The following SGMS2 variants were observed in gnomAD, a reference collection of about 807,000 sequenced individuals.
The protein encoded by SGMS2 is sphingomyelin synthase 2.
A neutral mutation model predicts 43.8 loss-of-function variants in SGMS2; 21 were observed. That is an observed-to-expected ratio of 0.48 (90% CI 0.34 to 0.69). The LOEUF (loss-of-function observed/expected upper bound fraction) is 0.69. Ranked by LOEUF, SGMS2 falls within the 30% of genes least tolerant of loss-of-function variation. The probability of loss-of-function intolerance (pLI) is 0.01; values close to 1 mark genes in which losing one functional copy is unlikely to be tolerated. For synonymous variants in SGMS2, 167 were observed against 160.6 expected, an observed-to-expected ratio of 1.04 and a Z score of -0.30; for missense variants, 384 against 443.2, an observed-to-expected ratio of 0.87 and a Z score of 1.20.
In SGMS2 at chr4:107,914,385, A is replaced by T. The variant is rs1271471320; in HGVS notation, c.*3832A>T. On this transcript the variant is annotated 3_prime_UTR_variant, in exon 7 of 7. Transcript: ENST00000690982. ...AAGAGGAAACGATGAACAAAAACTA[A>T]TCTAATTGCCAAGTTAGAATTCATT... is the stretch of plus-strand genomic sequence containing the variant. 2 of 152,144 alleles carry T rather than the reference A, an allele frequency of 1.3e-5. No individual in the cohort carries two copies. The highest frequency in any genetic ancestry group is 2.9e-5 in the Non-Finnish European group (2 of 67,982). The allele number at this position is 152,144 out of a possible 1,614,324, so 9.4% of individuals were successfully genotyped here. A position where few individuals can be genotyped will look rare whatever the true frequency, so the allele number is the denominator to read the frequency against.
At chr4:107,837,730 A>G (rs370547519) in intron 1 of SGMS2, among the ~76,000 whole-genome samples, 20 of 152,254 alleles carry the variant, frequency 1.3e-4, no homozygotes, top group African/African-American at 4.3e-4. Context: ...TTATGAGGCT[A>G]TTGGGAGCAT....
intron 1 of SGMS2, among the ~76,000 whole-genome samples, chr4:107,826,991 G>C (rs1200549599): frequency 6.6e-6 from 1 of 152,216 alleles, no homozygotes; most frequent in East Asian, 1.9e-4. Context: ...GTGTTCCTTT[G>C]AGCAAGTTTA....
chr4:107,835,318 T>TA (rs1229551723), intron 1 of SGMS2, among the ~76,000 whole-genome samples: 1 of 152,140 alleles, frequency 6.6e-6, no homozygotes, highest in Non-Finnish European at 1.5e-5. Context: ...ACTCAAACCA[T>TA]AGAGACAGAA....
intron 4 of SGMS2, among the ~76,000 whole-genome samples, chr4:107,902,294 A>C (rs1194052093): frequency 6.6e-6 from 1 of 151,666 alleles, no homozygotes; most frequent in East Asian, 1.9e-4. Flanking sequence ...TGTCTCAAAA[A>C]AAAAAAAGGT....
intron 4 of SGMS2, among the ~76,000 whole-genome samples, chr4:107,901,573 A>C (rs1731111881): frequency 6.6e-6 from 1 of 152,202 alleles, no homozygotes; most frequent in Admixed American, 6.5e-5. Flanking sequence ...AAGAGCCAAC[A>C]CAGTGAAAGC....
At chr4:107,829,531 GATA>G (rs1206059377) in intron 1 of SGMS2, among the ~76,000 whole-genome samples, 2 of 152,110 alleles carry the variant, frequency 1.3e-5, no homozygotes, top group Admixed American at 6.6e-5. Flanking sequence ...AGTCAAATCA[GATA>G]ATGAGTTATT....
intron 1 of SGMS2, among the ~76,000 whole-genome samples, chr4:107,846,261 C>T (rs537508461): frequency 2.2e-5 from 2 of 91,060 alleles, no homozygotes; most frequent in Non-Finnish European, 4.1e-5. Context: ...AACCCTCCCC[C>T]CTCCCCCCAC....
chr4:107,826,741 A>G (rs1387118780), intron 1 of SGMS2, among the ~76,000 whole-genome samples: 1 of 152,172 alleles, frequency 6.6e-6, no homozygotes, highest in Non-Finnish European at 1.5e-5. Flanking sequence ...CTAGAGGGAA[A>G]CACTTGGACA....
intron 2 of SGMS2, among the ~76,000 whole-genome samples, chr4:107,884,858 C>T (rs1186591707): frequency 1.3e-5 from 2 of 152,158 alleles, no homozygotes; most frequent in African/African-American, 4.8e-5. Context: ...TCATCAAGAC[C>T]TCCTGAGGCT....
chr4:107,873,016 T>C (rs914347966), intron 2 of SGMS2, among the ~76,000 whole-genome samples: 4 of 152,186 alleles, frequency 2.6e-5, no homozygotes, highest in Admixed American at 2.0e-4. Flanking sequence ...TACAAAGAGA[T>C]TCTCAAAAGA....
chr4:107,863,121 A>C (rs1284983052), intron 2 of SGMS2, among the ~76,000 whole-genome samples: 1 of 152,190 alleles, frequency 6.6e-6, no homozygotes, highest in East Asian at 1.9e-4. Context: ...CTCTCCCCAG[A>C]AGAACTCACC....
chr4:107,835,813 C>T (rs1343144049), intron 1 of SGMS2, among the ~76,000 whole-genome samples: 2 of 152,130 alleles, frequency 1.3e-5, no homozygotes, highest in East Asian at 3.9e-4. Flanking sequence ...TGAACTAAAA[C>T]TTATTTCTCT....
chr4:107,831,481 A>G (rs552558151), intron 1 of SGMS2, among the ~76,000 whole-genome samples: 1 of 152,350 alleles, frequency 6.6e-6, no homozygotes, highest in Admixed American at 6.5e-5. Context: ...TAAGGTGACT[A>G]TACGAATTAC....
chr4:107,829,372 A>G (rs1327052850), intron 1 of SGMS2, among the ~76,000 whole-genome samples: 3 of 152,134 alleles, frequency 2.0e-5, no homozygotes, highest in Non-Finnish European at 2.9e-5. Flanking sequence ...GTGTTAATTT[A>G]TCTTTAAGGT....
intron 1 of SGMS2, among the ~76,000 whole-genome samples, chr4:107,846,514 G>A (rs945121892): frequency 1.3e-5 from 2 of 149,562 alleles, no homozygotes; most frequent in South Asian, 2.1e-4. Flanking sequence ...GTCTATCATT[G>A]TTGGACATTT....
At chr4:107,835,121 C>G (rs1726099764) in intron 1 of SGMS2, among the ~76,000 whole-genome samples, 1 of 151,964 alleles carries the variant, frequency 6.6e-6, no homozygotes, top group Non-Finnish European at 1.5e-5. Context: ...TAAAGGTCTT[C>G]TCTTTGTACA....
chr4:107,901,349 G>A (rs1306829042), intron 4 of SGMS2, among the ~76,000 whole-genome samples: 1 of 152,104 alleles, frequency 6.6e-6, no homozygotes, highest in Non-Finnish European at 1.5e-5. Flanking sequence ...TTCTAAATTT[G>A]GTTCATCTGC....
chr4:107,839,077 T>C (rs554664577), intron 1 of SGMS2, among the ~76,000 whole-genome samples: 26 of 152,216 alleles, frequency 1.7e-4, no homozygotes, highest in Non-Finnish European at 2.8e-4. Context: ...CTGTACTTTT[T>C]TGGGAGTCAT....
intron 2 of SGMS2, chr4:107,866,889 A>G (rs1391955751): frequency 6.6e-6 from 1 of 152,196 alleles, no homozygotes; most frequent in Non-Finnish European, 1.5e-5. Context: ...CTACAACCCA[A>G]GATTGCAAAA....
Sources: allele counts gnomAD v4.1 joint callset (sites outside exome capture counted in the v4.1 genomes callset), GRCh38; gene constraint gnomAD v4.1.1; transcripts MANE v1.5; gene names NCBI Gene and HGNC (gene_info 2026-07-23, HGNC 2026-07-21).